The following E2F5 variants were observed in gnomAD, a reference collection of about 807,000 sequenced individuals.
The protein encoded by E2F5 is E2F transcription factor 5.
E2F5 carries 23 observed loss-of-function variants against 39.1 expected under a neutral mutation model. The observed-to-expected ratio is 0.59, with a 90% CI of 0.42 to 0.83. The LOEUF (loss-of-function observed/expected upper bound fraction) is 0.83, where lower values mean the gene tolerates loss of function less well. E2F5 is among the 40% of genes least tolerant of loss of function. The probability of loss-of-function intolerance (pLI) is 0.00; values close to 1 mark genes in which losing one functional copy is unlikely to be tolerated. For synonymous variants in E2F5, 145 were observed against 157.8 expected, an observed-to-expected ratio of 0.92 and a Z score of 0.61; for missense variants, 365 against 406.7, an observed-to-expected ratio of 0.90 and a Z score of 0.88.
At chr8:85,184,317 C>A (rs1316495168) in intron 1 of E2F5, among the ~76,000 whole-genome samples, 1 of 152,164 alleles carries the variant, frequency 6.6e-6, no homozygotes, top group Non-Finnish European at 1.5e-5. Context: ...AATTCAACAG[C>A]CCTTCGTGCT....
chr8:85,212,642 C>T (rs919944940), intron 7 of E2F5: 6 of 153,308 alleles, frequency 3.9e-5, no homozygotes, highest in African/African-American at 1.4e-4. Flanking sequence ...TATTAAATAT[C>T]AGTTAGCTAC....
intron 1 of E2F5, among the ~76,000 whole-genome samples, chr8:85,197,446 C>T (rs561790960): frequency 4.6e-5 from 7 of 152,254 alleles, no homozygotes; most frequent in African/African-American, 7.2e-5. Context: ...TTATTAAAGC[C>T]GTTTTTAGCA....
rs114598891 is a variant in E2F5 at position 85,181,278 on chromosome 8, T to G, written c.234+3624T>G. ...CTAGACCACATAGATGCTATTTCTT[T>G]TCTATCTTATGCTGCTGGAGAATAA... On this transcript the variant is annotated intron_variant, in intron 1 of 7. Transcript: ENST00000416274. Among the ~76,000 whole-genome samples the G allele has an allele frequency of 1.0e-2, 1,517 of 152,264 alleles. 28 individuals carry two copies. The highest frequency in any genetic ancestry group is 0.035 in the African/African-American group (1,449 of 41,548).
At chr8:85,206,449 T>A (rs190378254) in intron 4 of E2F5, among the ~76,000 whole-genome samples, 1 of 152,254 alleles carries the variant, frequency 6.6e-6, no homozygotes, top group East Asian at 1.9e-4. Flanking sequence ...ATCAACTGTG[T>A]GTGGAAGGGG....
Position 85,193,128 on chromosome 8 carries a change from A to G in E2F5, c.235-9019A>G, listed in dbSNP as rs537388448. On this transcript the variant is annotated intron_variant, in intron 1 of 7. Transcript: ENST00000416274. ...ATTCTAATTTTTTTTATATTTTACAAATTTGAAAAGTAATGAATAGTATTT... is the reference window on the plus strand; with the variant it reads ...ATTCTAATTTTTTTTATATTTTACAGATTTGAAAAGTAATGAATAGTATTT... 2.6e-4 allele frequency among the ~76,000 whole-genome samples: 39 copies of G among 152,282 alleles called. 1 individual carries two copies. The South Asian group carries it at 8.1e-3, about 32-fold the overall frequency.
At chr8:85,196,846 C>G (rs1474937836) in intron 1 of E2F5, among the ~76,000 whole-genome samples, 3 of 152,156 alleles carry the variant, frequency 2.0e-5, no homozygotes, top group Admixed American at 1.3e-4. Context: ...ATAAAACATT[C>G]TGCATTAACA....
chr8:85,206,091 A>G (rs1812797250), intron 3 of E2F5, 86 bp from the exon 4 acceptor site: 1 of 1,252,124 alleles, frequency 8.0e-7, no homozygotes, highest in Admixed American at 1.7e-5. Flanking sequence ...ATGGTCATTT[A>G]GTTATTTTGA....
intron 5 of E2F5, among the ~76,000 whole-genome samples, chr8:85,208,599 G>A (rs375262785): frequency 9.2e-5 from 14 of 152,018 alleles, no homozygotes; most frequent in Non-Finnish European, 1.0e-4. Flanking sequence ...TCCCCCACCC[G>A]CTTATTAAAA....
chr8:85,205,619 A>T (rs781191834), intron 3 of E2F5, among the ~76,000 whole-genome samples: 36 of 152,052 alleles, frequency 2.4e-4, no homozygotes, highest in Non-Finnish European at 4.0e-4. Flanking sequence ...CCCCAATAAA[A>T]GCTCTGGGCT....
intron 3 of E2F5, among the ~76,000 whole-genome samples, chr8:85,204,435 G>A (rs1812758732): frequency 6.7e-6 from 1 of 149,072 alleles, no homozygotes; most frequent in African/African-American, 2.5e-5. Context: ...GCAAACTATC[G>A]CAAGGACAAA....
intron 1 of E2F5, among the ~76,000 whole-genome samples, chr8:85,180,156 G>T (rs1464593012): frequency 6.6e-6 from 1 of 151,910 alleles, no homozygotes; most frequent in East Asian, 1.9e-4. Flanking sequence ...AAGTAGCTGG[G>T]ATTACAGGTG....
rs1390198963 is a variant in E2F5 at position 85,212,178 on chromosome 8, T to C, written c.905T>C (p.Ile302Thr). ...CCAGCAGGATCTATTAGTGGAGATA[T>C]CATTGATGAGTTAATGTCTTCTGAC... ...ISSAGSISGD[I>T]IDELMSSDVF... Residue 302 changes from isoleucine to threonine, a missense_variant, in exon 7 of 8, where the codon ATC (isoleucine) becomes ACC (threonine). Coordinates refer to ENST00000416274, the MANE Select transcript of E2F5 (RefSeq NM_001951.4). The C allele has an allele frequency of 1.2e-6, 2 of 1,611,002 alleles. No homozygotes were observed. The highest frequency in any genetic ancestry group is 1.7e-6 in the Non-Finnish European group (2 of 1,178,236).
At chr8:85,206,367 C>T in intron 4 of E2F5, 147 bp downstream of exon 4, 1 of 734,652 alleles carries the variant, frequency 1.4e-6, no homozygotes, top group East Asian at 2.7e-5. Context: ...TATTGATAGA[C>T]TGCTTTTGTT....
In E2F5 at chr8:85,209,287, C is replaced by A; in HGVS notation, c.761C>A (p.Ser254Tyr). The A allele has an allele frequency of 5.0e-6, 8 of 1,613,996 alleles. No individual in the cohort carries two copies. Among genetic ancestry groups the A allele is most frequent in the Non-Finnish European group, 6.8e-6 (8 of 1,179,890 alleles). Reference sequence around the variant, plus strand: ...CCTGATGACCTCACACAGCCTTCCTCCCAGTCCTTGACTCCAGTGACTCCA... The same window carrying A: ...CCTGATGACCTCACACAGCCTTCCTACCAGTCCTTGACTCCAGTGACTCCA... Reference protein sequence around the residue: ...PPPDDLTQPSSQSLTPVTPQK... With the variant: ...PPPDDLTQPSYQSLTPVTPQK... Residue 254 changes from serine (S) to tyrosine (Y), a missense_variant, in exon 6 of 8, where the codon TCC becomes TAC. Transcript: ENST00000416274.
intron 1 of E2F5, among the ~76,000 whole-genome samples, chr8:85,178,361 C>T (rs970627382): frequency 6.6e-6 from 1 of 152,066 alleles, no homozygotes; most frequent in Non-Finnish European, 1.5e-5. Context: ...ACAACTTTCA[C>T]CCAAAGAGGT....
intron 3 of E2F5, among the ~76,000 whole-genome samples, chr8:85,204,112 G>A (rs902890429): frequency 3.3e-5 from 5 of 151,982 alleles, no homozygotes; most frequent in Admixed American, 1.3e-4. Context: ...ATGGATCAGA[G>A]CCCCTTAACA....
chr8:85,193,805 A>G (rs1387368505), intron 1 of E2F5, among the ~76,000 whole-genome samples: 1 of 152,176 alleles, frequency 6.6e-6, no homozygotes, highest in African/African-American at 2.4e-5. Flanking sequence ...GCATGTACCA[A>G]TGGTTCATTC....
At chr8:85,186,749 T>TGGTATATATAAGGTGTATATATAC (rs1563976888) in intron 1 of E2F5, among the ~76,000 whole-genome samples, 4 of 147,758 alleles carry the variant, frequency 2.7e-5, no homozygotes, top group South Asian at 2.1e-4. Context: ...GGTATATATA[T>TGGTATATATAAGGTGTATATATAC]GGTATATATA....
At chr8:85,180,138 A>G (rs964778039) in intron 1 of E2F5, among the ~76,000 whole-genome samples, 1 of 151,790 alleles carries the variant, frequency 6.6e-6, no homozygotes, top group African/African-American at 2.4e-5. Context: ...CTCCTGCCTC[A>G]GCCTCCCAAG....
Sources: allele counts gnomAD v4.1 joint callset (sites outside exome capture counted in the v4.1 genomes callset), GRCh38; gene constraint gnomAD v4.1.1; transcripts MANE v1.5; gene names NCBI Gene and HGNC (gene_info 2026-07-23, HGNC 2026-07-21).